Variants in POLN observed in about 807,000 individuals in gnomAD.
The protein encoded by POLN is DNA polymerase N.
A neutral mutation model predicts 113.5 loss-of-function variants in POLN; 108 were observed. The observed-to-expected ratio is 0.95, with a 90% CI of 0.81 to 1.12. The LOEUF is 1.12. Among genes scored for constraint, POLN ranks in the 50% most tolerant of loss-of-function variants. POLN has a pLI of 0.00. For missense variants in POLN, 1,097 were observed against 1,077.1 expected (o/e 1.02, Z -0.26); for synonymous variants, 386 against 391.5 (o/e 0.99, Z 0.17).
At chr4:2,130,750 C>T (rs1731708363) in intron 17 of POLN, among the ~76,000 whole-genome samples, 1 of 152,140 alleles carries the variant, frequency 6.6e-6, no homozygotes, top group Non-Finnish European at 1.5e-5. Flanking sequence ...AAACTGCTAA[C>T]AGGGAGGTAC....
At chr4:2,079,172 T>C (rs1730344890) in intron 23 of POLN, 1 of 180,088 alleles carries the variant, frequency 5.6e-6, no homozygotes, top group Non-Finnish European at 1.1e-5. Flanking sequence ...GCTCAAGTGA[T>C]CCACCCGACT....
chr4:2,238,954 G>A, intron 2 of POLN: 5 of 1,599,770 alleles, frequency 3.1e-6, no homozygotes, highest in Non-Finnish European at 4.3e-6. Context: ...GTAAACTTCT[G>A]TCTTTTATTT....
At chr4:2,103,687 A>C (rs2108706386) in intron 19 of POLN, among the ~76,000 whole-genome samples, 1 of 152,344 alleles carries the variant, frequency 6.6e-6, no homozygotes, top group Non-Finnish European at 1.5e-5. Flanking sequence ...GTTAAAAAGC[A>C]AATTCTAAAG....
chr4:2,200,906 T>C (rs537003219), intron 5 of POLN, among the ~76,000 whole-genome samples: 54 of 152,108 alleles, frequency 3.6e-4, no homozygotes, highest in Non-Finnish European at 7.2e-4. Context: ...AGGTTAGTTA[T>C]TAAGTTAATC....
intron 13 of POLN, among the ~76,000 whole-genome samples, chr4:2,164,671 T>G (rs1377675422): frequency 6.6e-6 from 1 of 150,460 alleles, no homozygotes; most frequent in East Asian, 1.9e-4. Context: ...GGCCTGGTGG[T>G]ACACACCTGT....
Position 2,161,473 on chromosome 4 carries a change from G to A in POLN, c.1555-2262C>T, listed in dbSNP as rs557734494. Among the ~76,000 whole-genome samples the A allele has an allele frequency of 1.2e-4, 19 of 152,352 alleles. 1 individual carries two copies. The highest frequency in any genetic ancestry group is 9.8e-4 in the Admixed American group (15 of 15,312). Reference sequence around the variant, plus strand: ...CAGTCAGCCCACCGGCGCTGCGCTCGATTTCTCACCCGGCCTTAGCTGCCT... The same window carrying A: ...CAGTCAGCCCACCGGCGCTGCGCTCAATTTCTCACCCGGCCTTAGCTGCCT... On this transcript the variant is annotated intron_variant, in intron 13 of 25. Coordinates refer to ENST00000511885, the MANE Select transcript of POLN (RefSeq NM_181808.4).
chr4:2,212,142 C>T (rs1734008785), intron 4 of POLN, among the ~76,000 whole-genome samples: 1 of 152,142 alleles, frequency 6.6e-6, no homozygotes, highest in African/African-American at 2.4e-5. Context: ...GTAGTTTACT[C>T]CAAAGTCCAT....
At chr4:2,209,313 C>CAGTG (rs563716837) in intron 4 of POLN, among the ~76,000 whole-genome samples, 106 of 151,818 alleles carry the variant, frequency 7.0e-4, no homozygotes, top group Non-Finnish European at 1.2e-3. Context: ...AACCTCGTCT[C>CAGTG]TACTAAGAAT....
At chr4:2,234,674 A>G (rs537194226) in intron 2 of POLN, among the ~76,000 whole-genome samples, 2 of 152,234 alleles carry the variant, frequency 1.3e-5, no homozygotes, top group Non-Finnish European at 2.9e-5. Context: ...TTACTAAGCA[A>G]AAGAAAAATG....
chr4:2,182,371 A>G (rs1733164819), intron 7 of POLN, among the ~76,000 whole-genome samples: 1 of 152,230 alleles, frequency 6.6e-6, no homozygotes, highest in African/African-American at 2.4e-5. Flanking sequence ...GGTGACATAT[A>G]GAGACATGCA....
At chr4:2,212,866 C>G (rs1004865275) in intron 4 of POLN, among the ~76,000 whole-genome samples, 181 bp downstream of exon 4, 1 of 151,942 alleles carries the variant, frequency 6.6e-6, no homozygotes, top group African/African-American at 2.4e-5. Context: ...TCTCTCATGG[C>G]ACCTACTTGC....
chr4:2,159,006 C>A, intron 14 of POLN, 149 bp downstream of exon 14: 1 of 676,852 alleles, frequency 1.5e-6, no homozygotes. Context: ...GTAAACAGTG[C>A]CAGTACAAGG....
chr4:2,142,415 G>A lies in POLN; in HGVS notation c.1732-11125C>T, dbSNP rs927225488. 2.6e-5 allele frequency among the ~76,000 whole-genome samples: 4 copies of A among 152,196 alleles called. No individual in the cohort carries two copies. In the South Asian group the frequency reaches 6.2e-4, roughly 24 times the overall value. ...CCCTGTGCTATCAAGTATTTTGTTC[G>A]ATTAAAGCTGCCAATAAGGAGACTT... On this transcript the variant is annotated intron_variant, in intron 16 of 25. Coordinates refer to ENST00000511885, the MANE Select transcript of POLN (RefSeq NM_181808.4).
In POLN at chr4:2,241,675, AC is replaced by A; in HGVS notation, c.-169del. On this transcript the variant is annotated 5_prime_UTR_variant, in exon 2 of 26. Transcript: ENST00000511885. ...CAGCCCCGACGCCAGGGCCGCGCGA[AC>A]CCCAGAGGCAGCGGCAAGCCCCAGG... The A allele has an allele frequency of 2.0e-6, 2 of 985,426 alleles. No homozygotes were observed. The highest frequency in any genetic ancestry group is 2.4e-6 in the Non-Finnish European group (2 of 829,924). 61.0% of individuals were successfully genotyped at this position (985,426 alleles called of 1,614,324 possible). A position where few individuals can be genotyped will look rare whatever the true frequency, so the allele number is the denominator to read the frequency against.
chr4:2,134,783 T>C (rs555270272), intron 16 of POLN, among the ~76,000 whole-genome samples: 1 of 152,310 alleles, frequency 6.6e-6, no homozygotes, highest in South Asian at 2.1e-4. Flanking sequence ...ATCACAACGT[T>C]GAACAGCTGG....
intron 3 of POLN, among the ~76,000 whole-genome samples, chr4:2,215,229 C>T (rs1221877871): frequency 6.6e-6 from 1 of 152,096 alleles, no homozygotes; most frequent in African/African-American, 2.4e-5. Context: ...CTTGTTAAAA[C>T]ATAGATTGCA....
At chr4:2,087,270 TTA>T (rs1447223771) in intron 20 of POLN, among the ~76,000 whole-genome samples, 1 of 152,222 alleles carries the variant, frequency 6.6e-6, no homozygotes, top group African/African-American at 2.4e-5. Context: ...CACAAATAAG[TTA>T]TGTGTTTTGC....
chr4:2,237,085 C>A (rs945798995), intron 2 of POLN, among the ~76,000 whole-genome samples: 1 of 151,956 alleles, frequency 6.6e-6, no homozygotes, highest in South Asian at 2.1e-4. Flanking sequence ...CTGCCACTAA[C>A]GTACTTCAAA....
intron 14 of POLN, 82 bp from the exon 15 acceptor site, chr4:2,157,993 C>T: frequency 2.7e-6 from 3 of 1,128,306 alleles, no homozygotes; most frequent in Non-Finnish European, 3.9e-6. Context: ...GCTCCATTGC[C>T]CAGGCTGGAG....
Sources: gnomAD v4.1 joint callset for allele counts (sites outside exome capture counted in the v4.1 genomes callset) on GRCh38, gnomAD v4.1.1 for gene constraint, MANE v1.5 for transcripts, NCBI Gene and HGNC (gene_info 2026-07-23, HGNC 2026-07-21) for gene names.